Variants in UBA2 observed in about 807,000 individuals in gnomAD.
The protein encoded by UBA2 is SUMO-activating enzyme subunit 2.
In UBA2, 11 loss-of-function variants were observed where a neutral mutation model predicts 77.2. The ratio of observed to expected loss-of-function variants is 0.14; its 90% confidence interval spans 0.09 to 0.24. UBA2 has a LOEUF of 0.24. Among genes scored for constraint, UBA2 ranks in the 10% least tolerant of loss-of-function variants. The pLI, the probability that UBA2 is intolerant of heterozygous loss-of-function variation, is 1.00. For missense variants in UBA2, 487 were observed against 781.7 expected (o/e 0.62, Z 4.50); for synonymous variants, 278 against 276.7 (o/e 1.00, Z -0.05).
chr19:34,434,010 T>C (rs2075283578), intron 4 of UBA2, among the ~76,000 whole-genome samples: 1 of 152,072 alleles, frequency 6.6e-6, no homozygotes, highest in African/African-American at 2.4e-5. Flanking sequence ...TTGAGTGATA[T>C]TCTTTGTCTG....
At chr19:34,455,644 T>TA (rs947205200) in intron 12 of UBA2, among the ~76,000 whole-genome samples, 7 of 152,288 alleles carry the variant, frequency 4.6e-5, no homozygotes, top group African/African-American at 1.7e-4. Flanking sequence ...GATGCACACT[T>TA]ACTTTTTTTT....
chr19:34,463,948 G>GT, intron 14 of UBA2, 78 bp from the exon 15 acceptor site: 2 of 999,538 alleles, frequency 2.0e-6, no homozygotes, highest in Non-Finnish European at 3.2e-6. Flanking sequence ...CCATAACAGA[G>GT]GTTTAGCTTT....
intron 8 of UBA2, among the ~76,000 whole-genome samples, chr19:34,449,515 A>G (rs2145532413): frequency 6.6e-6 from 1 of 152,354 alleles, no homozygotes; most frequent in East Asian, 1.9e-4. Flanking sequence ...TGATTTTTAA[A>G]TATAGCCAAA....
intron 3 of UBA2, among the ~76,000 whole-genome samples, chr19:34,433,058 C>T (rs1200483710): frequency 1.3e-5 from 2 of 152,202 alleles, no homozygotes; most frequent in African/African-American, 2.4e-5. Context: ...CAGGCACTTG[C>T]TGCCCAAAGA....
chr19:34,443,953 T>C (rs765273348), intron 7 of UBA2, 42 bp downstream of exon 7: 2 of 1,392,396 alleles, frequency 1.4e-6, no homozygotes, highest in Non-Finnish European at 2.0e-6. Flanking sequence ...GATACTATTA[T>C]CTTTATTTTG....
chr19:34,451,887 T>C, intron 9 of UBA2, 94 bp from the exon 10 acceptor site: 6 of 647,486 alleles, frequency 9.3e-6, no homozygotes, highest in Non-Finnish European at 1.2e-5. Flanking sequence ...ATATTTGATT[T>C]CTTAATGGTC....
rs557228617 is a variant in UBA2 at position 34,446,671 on chromosome 19, A to C, written c.771+1550A>C. On this transcript the variant is annotated intron_variant, in intron 8 of 16. Coordinates refer to ENST00000246548, the MANE Select transcript of UBA2 (RefSeq NM_005499.3). Reference sequence around the variant, plus strand: ...GTCGCCCAGGCTAGAGTGCAGTGGCATGATCTCAGCTTGCTGCAACCTCTG... The same window carrying C: ...GTCGCCCAGGCTAGAGTGCAGTGGCCTGATCTCAGCTTGCTGCAACCTCTG... 2.0e-5 allele frequency among the ~76,000 whole-genome samples: 3 copies of C among 148,964 alleles called. No homozygotes were observed. In the South Asian group the frequency reaches 6.3e-4, roughly 31 times the overall value.
chr19:34,436,599 C>T (rs1427975512), intron 5 of UBA2, among the ~76,000 whole-genome samples: 2 of 152,086 alleles, frequency 1.3e-5, no homozygotes, highest in Non-Finnish European at 1.5e-5. Flanking sequence ...ATGCCTGGCA[C>T]ATATCTCAGT....
intron 6 of UBA2, among the ~76,000 whole-genome samples, chr19:34,442,536 G>A (rs2075381734): frequency 1.3e-5 from 2 of 152,160 alleles, no homozygotes; most frequent in South Asian, 4.1e-4. Flanking sequence ...GGGTTCAAGC[G>A]ATTCTCCTGC....
Position 34,433,388 on chromosome 19 carries a change from G to A in UBA2, c.334G>A (p.Val112Ile). ...NVEFFRQFIL[V>I]MNALDNRAAR... is the part of the protein sequence containing the mutation. Reference sequence around the variant, plus strand: ...GGAATTTTTCCGACAGTTTATACTGGTTATGAATGCTTTAGATAACAGAGG... The same window carrying A: ...GGAATTTTTCCGACAGTTTATACTGATTATGAATGCTTTAGATAACAGAGG... The change falls in exon 4 of 17, where the codon GTT becomes ATT. Residue 112 changes from valine to isoleucine, a missense_variant. Coordinates refer to ENST00000246548, the MANE Select transcript of UBA2 (RefSeq NM_005499.3). 1.9e-6 allele frequency: 3 copies of A among 1,611,254 alleles called. No individual in the cohort carries two copies. The highest frequency in any genetic ancestry group is 2.5e-6 in the Non-Finnish European group (3 of 1,178,074).
chr19:34,450,415 G>A lies in UBA2; in HGVS notation c.871+51G>A, dbSNP rs766891906. 8.2e-6 allele frequency: 11 copies of A among 1,340,784 alleles called. No individual in the cohort carries two copies. The East Asian group carries it at 1.2e-4, about 15-fold the overall frequency. The allele number at this position is 1,340,784 out of a possible 1,614,324, so 83.1% of individuals were successfully genotyped here. On this transcript the variant is annotated intron_variant, in intron 9 of 16. Coordinates refer to ENST00000246548, the MANE Select transcript of UBA2 (RefSeq NM_005499.3). ...ACACCTAAGCTGGAAATATCCTCGC[G>A]TAAAGTCTTTGTATAGCCCTGTTGT...
At chr19:34,446,240 C>T (rs959197561) in intron 8 of UBA2, among the ~76,000 whole-genome samples, 4 of 152,176 alleles carry the variant, frequency 2.6e-5, no homozygotes, top group African/African-American at 9.7e-5. Flanking sequence ...CCTCAGTATT[C>T]TTGCAACTCT....
At position 34,433,429 on chromosome 19, in the gene UBA2, A is replaced by T; in HGVS notation, c.358+17A>T. ...ATAACAGAGGTGAGGTTATTTTAAT[A>T]CTTTTAATTTCTCAGTATTTCCTCT... On this transcript the variant is annotated intron_variant, in intron 4 of 16. Coordinates refer to ENST00000246548, the MANE Select transcript of UBA2 (RefSeq NM_005499.3). The T allele has an allele frequency of 6.6e-7, 1 of 1,514,816 alleles. No individual in the cohort carries two copies. Among genetic ancestry groups the T allele is most frequent in the Non-Finnish European group, 9.1e-7 (1 of 1,095,638 alleles). 93.8% of individuals were successfully genotyped at this position (1,514,816 alleles called of 1,614,324 possible).
chr19:34,433,655 A>G (rs1007475547), intron 4 of UBA2, among the ~76,000 whole-genome samples: 6 of 152,166 alleles, frequency 3.9e-5, no homozygotes, highest in Admixed American at 2.6e-4. Context: ...GTGAAGTGAA[A>G]AGCTCTCAAA....
At chr19:34,442,506 A>G (rs1440175878) in intron 6 of UBA2, among the ~76,000 whole-genome samples, 1 of 151,956 alleles carries the variant, frequency 6.6e-6, no homozygotes, top group Non-Finnish European at 1.5e-5. Flanking sequence ...AGTGCAGTGC[A>G]ACTGCAATCT....
At chr19:34,448,070 A>T (rs1406772336) in intron 8 of UBA2, among the ~76,000 whole-genome samples, 1 of 152,170 alleles carries the variant, frequency 6.6e-6, no homozygotes, top group Non-Finnish European at 1.5e-5. Context: ...TTATAGCAAG[A>T]CAGTGGGAAT....
rs749503700 is a variant in UBA2 at position 34,451,978 on chromosome 19, T to C, written c.872-3T>C. The C allele has an allele frequency of 1.7e-5, 26 of 1,517,352 alleles. No individual in the cohort carries two copies. The highest frequency in any genetic ancestry group is 2.2e-5 in the Non-Finnish European group (25 of 1,126,154). 94.0% of individuals were successfully genotyped at this position (1,517,352 alleles called of 1,614,324 possible). On this transcript the variant is annotated splice_polypyrimidine_tract_variant and splice_region_variant and intron_variant, in intron 9 of 16. Transcript: ENST00000246548. The stretch of plus-strand genomic sequence containing the variant: ...TTTCTAATATATATATTTTTTTCTT[T>C]AGGAGAAGAAACGAATGCATCAGAT...
At chr19:34,467,805 A>G (rs1373959106) in intron 16 of UBA2, among the ~76,000 whole-genome samples, 1 of 152,206 alleles carries the variant, frequency 6.6e-6, no homozygotes, top group African/African-American at 2.4e-5. Context: ...TCTTATGGAA[A>G]TTTCTTACAG....
intron 12 of UBA2, among the ~76,000 whole-genome samples, chr19:34,456,482 G>A (rs2145552079): frequency 6.6e-6 from 1 of 152,118 alleles, no homozygotes; most frequent in East Asian, 1.9e-4. Context: ...AAATTGCCCA[G>A]TCTGCCATCT....
Sources: gnomAD v4.1 joint callset for allele counts (sites outside exome capture counted in the v4.1 genomes callset) on GRCh38, gnomAD v4.1.1 for gene constraint, MANE v1.5 for transcripts, NCBI Gene and HGNC (gene_info 2026-07-23, HGNC 2026-07-21) for gene names.